The following TBC1D4 variants were observed in gnomAD, a reference collection of about 807,000 sequenced individuals.
The protein encoded by TBC1D4 is TBC (Tre-2, BUB2, CDC16) domain-containing protein.
TBC1D4 carries 121 observed loss-of-function variants against 142.5 expected under a neutral mutation model. The ratio of observed to expected loss-of-function variants is 0.85; its 90% confidence interval spans 0.73 to 0.99. The LOEUF (loss-of-function observed/expected upper bound fraction) is 0.99. TBC1D4 is among the 50% of genes least tolerant of loss of function. TBC1D4 has a pLI of 0.00. For missense variants in TBC1D4, 1,475 were observed against 1,606.6 expected, an observed-to-expected ratio of 0.92 and a Z score of 1.40; for synonymous variants, 630 against 628.2, an observed-to-expected ratio of 1.00 and a Z score of -0.04.
chr13:75,357,698 T>C (rs575965526), intron 3 of TBC1D4, among the ~76,000 whole-genome samples: 2 of 152,204 alleles, frequency 1.3e-5, no homozygotes, highest in East Asian at 1.9e-4. Context: ...GAAAGAAGCA[T>C]TTGGGATGTG....
At chr13:75,392,584 G>A (rs189063782) in intron 1 of TBC1D4, among the ~76,000 whole-genome samples, 8 of 150,058 alleles carry the variant, frequency 5.3e-5, no homozygotes, top group South Asian at 4.2e-4. Flanking sequence ...TACTCTTTCC[G>A]TTCTTCCTCC....
chr13:75,301,495 A>T (rs185034700), intron 16 of TBC1D4, among the ~76,000 whole-genome samples: 2,435 of 152,052 alleles, frequency 0.016, 27 homozygotes, highest in Non-Finnish European at 0.025. Context: ...CAAAAAAAAA[A>T]TTAGCCGGGC....
chr13:75,378,116 A>G (rs754634436), intron 1 of TBC1D4, among the ~76,000 whole-genome samples: 7 of 152,164 alleles, frequency 4.6e-5, no homozygotes, highest in Admixed American at 6.5e-5. Context: ...ATTTTACTCC[A>G]TATCTTTTGC....
intron 1 of TBC1D4, among the ~76,000 whole-genome samples, chr13:75,452,776 G>C (rs1887584222): frequency 6.6e-6 from 1 of 152,102 alleles, no homozygotes; most frequent in Non-Finnish European, 1.5e-5. Flanking sequence ...TAATTATCTA[G>C]GTCACAGGAG....
chr13:75,373,082 G>A (rs7992747), intron 1 of TBC1D4, among the ~76,000 whole-genome samples: 43,673 of 152,148 alleles, frequency 0.29, 7,379 homozygotes, highest in African/African-American at 0.47. Flanking sequence ...GTGCAATGAA[G>A]TGGGCCTTGG....
intron 1 of TBC1D4, among the ~76,000 whole-genome samples, chr13:75,479,180 A>G (rs183349889): frequency 1.3e-5 from 2 of 152,296 alleles, no homozygotes; most frequent in East Asian, 3.9e-4. Context: ...GTAACCACCG[A>G]TTAATGGCTG....
chr13:75,377,593 G>A (rs1883588852), intron 1 of TBC1D4, among the ~76,000 whole-genome samples: 1 of 151,196 alleles, frequency 6.6e-6, no homozygotes, highest in Admixed American at 6.6e-5. Flanking sequence ...AAGACATTCG[G>A]TTACTCTACT....
At chr13:75,449,301 TAC>T (rs964112129) in intron 1 of TBC1D4, among the ~76,000 whole-genome samples, 2 of 151,610 alleles carry the variant, frequency 1.3e-5, no homozygotes, top group African/African-American at 2.4e-5. Context: ...TATGTGTGTA[TAC>T]ACACACACAC....
intron 5 of TBC1D4, among the ~76,000 whole-genome samples, chr13:75,346,951 A>G (rs1881197975): frequency 6.6e-6 from 1 of 152,184 alleles, no homozygotes; most frequent in Non-Finnish European, 1.5e-5. Flanking sequence ...TATGCCATTG[A>G]TCGACATTTA....
chr13:75,368,484 A>G (rs200610268), intron 1 of TBC1D4, among the ~76,000 whole-genome samples: 3 of 80,814 alleles, frequency 3.7e-5, no homozygotes, highest in South Asian at 2.9e-4. Context: ...CTCCAAACCC[A>G]TTTATGGTTC....
chr13:75,313,692 T>G (rs767732074), intron 12 of TBC1D4, among the ~76,000 whole-genome samples: 1 of 152,100 alleles, frequency 6.6e-6, no homozygotes, highest in Non-Finnish European at 1.5e-5. Context: ...TGGCTATTTT[T>G]TTAAAAAAAT....
chr13:75,331,815 G>A (rs1465662), intron 8 of TBC1D4, among the ~76,000 whole-genome samples: 113,731 of 149,136 alleles, frequency 0.76, 46,016 homozygotes, highest in South Asian at 0.95. Flanking sequence ...CAAAACTGGA[G>A]TGTGAATTTT....
intron 8 of TBC1D4, among the ~76,000 whole-genome samples, chr13:75,328,907 G>A (rs1879504511): frequency 6.6e-6 from 1 of 152,072 alleles, no homozygotes; most frequent in Non-Finnish European, 1.5e-5. Flanking sequence ...ATAATGAAAA[G>A]TGGTGGTCAT....
chr13:75,357,806 G>A (rs1271029274), intron 3 of TBC1D4, among the ~76,000 whole-genome samples: 3 of 152,166 alleles, frequency 2.0e-5, no homozygotes, highest in African/African-American at 7.2e-5. Flanking sequence ...ACTCAGTGAG[G>A]AGCAGATGGC....
chr13:75,393,155 A>T (rs993449427), intron 1 of TBC1D4, among the ~76,000 whole-genome samples: 4 of 125,704 alleles, frequency 3.2e-5, no homozygotes, highest in Non-Finnish European at 6.2e-5. Flanking sequence ...ACACACACAC[A>T]CTCAGTCTTT....
chr13:75,317,578 C>G (rs543362772), intron 12 of TBC1D4, among the ~76,000 whole-genome samples: 39 of 152,244 alleles, frequency 2.6e-4, no homozygotes, highest in Non-Finnish European at 5.4e-4. Flanking sequence ...AAGTTATAAC[C>G]ATTCCCTTAT....
rs185008096 is a variant in TBC1D4, at chr13:75,387,239, T to C, written c.499-24632A>G. Reference sequence around the variant, plus strand: ...TTCCCTTATCTGTTTCTGCACTCAATCTGCCATGACATGAAGAACATCTAA... The same window carrying C: ...TTCCCTTATCTGTTTCTGCACTCAACCTGCCATGACATGAAGAACATCTAA... On this transcript the variant is annotated intron_variant, in intron 1 of 20. Coordinates refer to ENST00000377636, the MANE Select transcript of TBC1D4 (RefSeq NM_014832.5). 9.2e-5 allele frequency among the ~76,000 whole-genome samples: 14 copies of C among 152,312 alleles called. No individual in the cohort carries two copies. The East Asian group carries it at 2.7e-3, about 29-fold the overall frequency.
chr13:75,341,547 A>G lies in TBC1D4; in HGVS notation c.1449T>C (p.His483=). 3 of 1,614,056 alleles carry G rather than the reference A, an allele frequency of 1.9e-6. No individual in the cohort carries two copies. Among genetic ancestry groups the G allele is most frequent in the Non-Finnish European group, 2.5e-6 (3 of 1,180,006 alleles). ...GCTCATTATCTGTCAGTGATGAGAG[A>G]TGCCTCTGTATCACCAGCTTGGCTC... ...PPRAKLVIQR[H]LSSLTDNEQA... is the part of the protein sequence containing the mutation. The change falls in exon 6 of 21, where the codon CAT becomes CAC. Residue 483 remains histidine (H), a synonymous_variant. Coordinates refer to ENST00000377636, the MANE Select transcript of TBC1D4 (RefSeq NM_014832.5).
At chr13:75,353,577 T>C (rs1358894740) in intron 4 of TBC1D4, among the ~76,000 whole-genome samples, 1 of 151,990 alleles carries the variant, frequency 6.6e-6, no homozygotes, top group Non-Finnish European at 1.5e-5. Context: ...GAATAAAGTA[T>C]AGTAAGAGAA....
Sources: allele counts gnomAD v4.1 joint callset (sites outside exome capture counted in the v4.1 genomes callset), GRCh38; gene constraint gnomAD v4.1.1; transcripts MANE v1.5; gene names NCBI Gene and HGNC (gene_info 2026-07-23, HGNC 2026-07-21).